The following ZNF407 variants were observed in gnomAD, a reference collection of about 807,000 sequenced individuals.
ZNF407 encodes zinc finger protein 407.
Under a neutral mutation model 131.2 loss-of-function variants are expected in ZNF407, and 17 were observed. The observed-to-expected ratio is 0.13, with a 90% CI of 0.09 to 0.19. ZNF407 has a LOEUF of 0.19. Among genes scored for constraint, ZNF407 ranks in the 10% least tolerant of loss-of-function variants. ZNF407 has a pLI of 1.00. For missense variants in ZNF407, 2,681 were observed against 2,830.6 expected (o/e 0.95, Z 1.20); for synonymous variants, 1,156 against 1,062.0 (o/e 1.09, Z -1.72).
intron 4 of ZNF407, among the ~76,000 whole-genome samples, chr18:74,859,961 G>A (rs951500726): frequency 7.9e-5 from 12 of 152,154 alleles, no homozygotes; most frequent in African/African-American, 2.9e-4. Flanking sequence ...TCTCAACACA[G>A]TTAAGATATT....
chr18:74,768,901 A>AT (rs1969302346), intron 3 of ZNF407, among the ~76,000 whole-genome samples: 1 of 152,126 alleles, frequency 6.6e-6, no homozygotes, highest in South Asian at 2.1e-4. Context: ...TGAAAATGAT[A>AT]TTTATAGAGT....
At chr18:74,883,392 A>G (rs1971264672) in intron 6 of ZNF407, among the ~76,000 whole-genome samples, 1 of 152,164 alleles carries the variant, frequency 6.6e-6, no homozygotes, top group Non-Finnish European at 1.5e-5. Context: ...TATTTCTCTG[A>G]CGTATTCCTC....
intron 3 of ZNF407, among the ~76,000 whole-genome samples, chr18:74,698,860 T>TC: frequency 6.6e-6 from 1 of 152,116 alleles, no homozygotes; most frequent in South Asian, 2.1e-4. Flanking sequence ...CTTAATTTGT[T>TC]CCCCTCTTAT....
chr18:74,993,418 T>G (rs934783606), intron 8 of ZNF407, among the ~76,000 whole-genome samples: 3 of 152,170 alleles, frequency 2.0e-5, no homozygotes, highest in African/African-American at 7.2e-5. Flanking sequence ...TCCACTCATT[T>G]CCCGAGCCGC....
intron 8 of ZNF407, among the ~76,000 whole-genome samples, chr18:74,923,382 A>C (rs571320309): frequency 6.6e-6 from 1 of 152,106 alleles, no homozygotes. Flanking sequence ...ACAGAATATA[A>C]TATGAATTAT....
At chr18:74,765,439 T>C (rs1456055862) in intron 3 of ZNF407, among the ~76,000 whole-genome samples, 1 of 152,218 alleles carries the variant, frequency 6.6e-6, no homozygotes, top group African/African-American at 2.4e-5. Context: ...TTAATTTACA[T>C]GAAAATGATT....
At chr18:75,020,855 AC>A (rs1216837975) in intron 8 of ZNF407, among the ~76,000 whole-genome samples, 4 of 152,148 alleles carry the variant, frequency 2.6e-5, no homozygotes, top group African/African-American at 9.7e-5. Flanking sequence ...TCCTAGTGAA[AC>A]CTGAACAGAG....
intron 8 of ZNF407, among the ~76,000 whole-genome samples, chr18:75,003,919 A>G (rs1568297902): frequency 6.6e-6 from 1 of 152,170 alleles, no homozygotes; most frequent in Non-Finnish European, 1.5e-5. Context: ...GTAACACTTG[A>G]GCAAATGGCA....
At chr18:74,800,879 G>T (rs1317560682) in intron 4 of ZNF407, among the ~76,000 whole-genome samples, 5 of 152,164 alleles carry the variant, frequency 3.3e-5, no homozygotes, top group Admixed American at 1.3e-4. Context: ...CATTTGTCAG[G>T]TTATTGTTTC....
intron 8 of ZNF407, among the ~76,000 whole-genome samples, chr18:75,011,442 T>G (rs148005608): frequency 6.6e-6 from 1 of 152,296 alleles, no homozygotes; most frequent in Non-Finnish European, 1.5e-5. Flanking sequence ...CTTAGTTGAT[T>G]CAGCCATTCT....
At chr18:74,971,051 C>G (rs1456525201) in intron 8 of ZNF407, among the ~76,000 whole-genome samples, 1 of 152,224 alleles carries the variant, frequency 6.6e-6, no homozygotes, top group South Asian at 2.1e-4. Flanking sequence ...CCCTCTGAAG[C>G]CACAGCCTGA....
At chr18:74,739,596 G>C (rs1176957745) in intron 3 of ZNF407, among the ~76,000 whole-genome samples, 3 of 151,584 alleles carry the variant, frequency 2.0e-5, no homozygotes, top group African/African-American at 7.3e-5. Flanking sequence ...TTTTTTTGAA[G>C]CTGGGCTAAT....
At chr18:74,675,748 T>A (rs1440905016) in intron 3 of ZNF407, among the ~76,000 whole-genome samples, 3 of 152,206 alleles carry the variant, frequency 2.0e-5, no homozygotes, top group Non-Finnish European at 4.4e-5. Context: ...GACTTATCCA[T>A]GTTTAATATT....
chr18:74,897,560 C>G (rs1189237409), intron 7 of ZNF407, among the ~76,000 whole-genome samples: 1 of 152,010 alleles, frequency 6.6e-6, no homozygotes, highest in South Asian at 2.1e-4. Context: ...TGGACAGTCC[C>G]TTGGGTAGTA....
intron 3 of ZNF407, among the ~76,000 whole-genome samples, chr18:74,755,894 T>TCC (rs1968948587): frequency 2.9e-5 from 2 of 69,462 alleles, no homozygotes; most frequent in African/African-American, 1.2e-4. Flanking sequence ...CCTTTTTTTT[T>TCC]TTTTTTTTTT....
At chr18:74,750,613 T>A (rs1339548400) in intron 3 of ZNF407, among the ~76,000 whole-genome samples, 7 of 152,186 alleles carry the variant, frequency 4.6e-5, no homozygotes, top group Non-Finnish European at 7.3e-5. Context: ...CACCCGTTCA[T>A]CATTTCATGG....
At chr18:74,606,911 A>T (rs561143080) in intron 1 of ZNF407, among the ~76,000 whole-genome samples, 5 of 152,356 alleles carry the variant, frequency 3.3e-5, no homozygotes, top group East Asian at 3.9e-4. Context: ...AGAGAGAAAC[A>T]TCTGGTGAAA....
intron 5 of ZNF407, 143 bp downstream of exon 5, chr18:74,877,506 T>G: frequency 4.8e-6 from 4 of 831,986 alleles, no homozygotes; most frequent in Non-Finnish European, 7.4e-6. Context: ...ATTATGTATT[T>G]ATAGGTATGG....
chr18:74,910,985 T>G (rs149971747), intron 7 of ZNF407, among the ~76,000 whole-genome samples: 1 of 152,288 alleles, frequency 6.6e-6, no homozygotes, highest in Non-Finnish European at 1.5e-5. Flanking sequence ...TCCATACTCC[T>G]GTGTAGAATT....
Sources: gnomAD v4.1 joint callset for allele counts (sites outside exome capture counted in the v4.1 genomes callset) on GRCh38, gnomAD v4.1.1 for gene constraint, MANE v1.5 for transcripts, NCBI Gene and HGNC (gene_info 2026-07-23, HGNC 2026-07-21) for gene names.